DOCK1: variants seen among roughly 807,000 people sequenced by gnomAD.
DOCK1 encodes the protein dedicator of cytokinesis protein 1.
A neutral mutation model predicts 262.7 loss-of-function variants in DOCK1; 138 were observed. The ratio of observed to expected loss-of-function variants is 0.53; its 90% CI spans 0.46 to 0.61. The LOEUF is 0.61. Ranked by LOEUF, DOCK1 falls within the 20% of genes least tolerant of loss-of-function variation. DOCK1 has a pLI of 0.00. For missense variants in DOCK1, 1,908 were observed against 2,370.7 expected (o/e 0.80, Z 4.05); for synonymous variants, 866 against 867.4 (o/e 1.00, Z 0.03).
chr10:126,944,579 G>A (rs997270280), intron 1 of DOCK1, among the ~76,000 whole-genome samples: 41 of 152,224 alleles, frequency 2.7e-4, no homozygotes, highest in African/African-American at 9.4e-4. Flanking sequence ...CTGAGATGGA[G>A]GAGACCGGGG....
At chr10:126,991,208 A>T (rs1259782276) in intron 6 of DOCK1, among the ~76,000 whole-genome samples, 10 of 152,138 alleles carry the variant, frequency 6.6e-5, no homozygotes, top group Non-Finnish European at 1.5e-4. Context: ...TTTAGTGCTC[A>T]CCCCTGCCTA....
In DOCK1 at chr10:127,037,821, C is replaced by T; in HGVS notation, c.2010+5C>T. 1 of 1,520,184 alleles carries T rather than the reference C, an allele frequency of 6.6e-7. No homozygotes were observed. The highest frequency in any genetic ancestry group is 1.4e-5 in the African/African-American group (1 of 70,822). The allele number at this position is 1,520,184 out of a possible 1,614,324, so 94.2% of individuals were successfully genotyped here. On this transcript the variant is annotated splice_donor_5th_base_variant and intron_variant, in intron 19 of 51. Transcript: ENST00000623213. ...GATGGTGGTGAAGTAGTGAAGGTAACATGGAGCCCAAAGGGACTTTTTGGG... is the reference window on the plus strand; with the variant it reads ...GATGGTGGTGAAGTAGTGAAGGTAATATGGAGCCCAAAGGGACTTTTTGGG...
At chr10:127,099,114 G>A (rs773138148) in intron 23 of DOCK1, among the ~76,000 whole-genome samples, 1 of 152,182 alleles carries the variant, frequency 6.6e-6, no homozygotes, top group African/African-American at 2.4e-5. Context: ...ACTGGATGGG[G>A]AAGACAACTT....
intron 29 of DOCK1, among the ~76,000 whole-genome samples, chr10:127,275,993 G>C (rs937229990): frequency 6.6e-6 from 1 of 152,326 alleles, no homozygotes; most frequent in South Asian, 2.1e-4. Flanking sequence ...GCCTTATTAC[G>C]TAATGCCCTG....
At chr10:127,329,783 T>A (rs1202807679) in intron 29 of DOCK1, among the ~76,000 whole-genome samples, 2 of 152,070 alleles carry the variant, frequency 1.3e-5, no homozygotes, top group African/African-American at 4.8e-5. Context: ...GAGGCAGGAT[T>A]GGGAGGAGGT....
At chr10:127,221,408 T>C (rs891471545) in intron 27 of DOCK1, among the ~76,000 whole-genome samples, 11 of 152,192 alleles carry the variant, frequency 7.2e-5, no homozygotes, top group Non-Finnish European at 1.5e-4. Context: ...ACTCAAGATA[T>C]TGATCCTCAT....
intron 13 of DOCK1, among the ~76,000 whole-genome samples, chr10:127,019,890 A>T (rs988492451): frequency 6.6e-6 from 1 of 152,168 alleles, no homozygotes; most frequent in Non-Finnish European, 1.5e-5. Flanking sequence ...CCCATATTCA[A>T]CGCGGCCTCC....
chr10:127,178,029 C>T (rs777760017), intron 27 of DOCK1, among the ~76,000 whole-genome samples: 60 of 152,166 alleles, frequency 3.9e-4, no homozygotes, highest in Non-Finnish European at 7.3e-4. Context: ...GACCCCTCCC[C>T]ACATCCTTAG....
At chr10:127,289,653 T>A (rs561942266) in intron 29 of DOCK1, among the ~76,000 whole-genome samples, 19 of 152,196 alleles carry the variant, frequency 1.2e-4, no homozygotes, top group South Asian at 6.2e-4. Flanking sequence ...CTTTGAAAAT[T>A]TATCACATGA....
chr10:127,374,232 C>CA lies in DOCK1; in HGVS notation c.3675+19dup, dbSNP rs1158549692. 1.0e-5 allele frequency: 16 copies of CA among 1,596,496 alleles called. No homozygotes were observed. Among genetic ancestry groups the CA allele is most frequent in the African/African-American group, 2.7e-5 (2 of 74,038 alleles). On this transcript the variant is annotated intron_variant, in intron 35 of 51. Transcript: ENST00000623213. ...ATGTGCTGGTGAGTGAAAGCTTAAT[C>CA]ACGTTTTTTCAGTTTTCACAGCACA...
chr10:127,042,453 T>C (rs1319001047), intron 19 of DOCK1, among the ~76,000 whole-genome samples, 172 bp from the exon 20 acceptor site: 1 of 152,126 alleles, frequency 6.6e-6, no homozygotes, highest in Non-Finnish European at 1.5e-5. Context: ...AATTCGCTCA[T>C]CCAAAATTTT....
chr10:126,915,934 G>A (rs2032438931), intron 1 of DOCK1, among the ~76,000 whole-genome samples: 2 of 152,152 alleles, frequency 1.3e-5, no homozygotes, highest in South Asian at 4.1e-4. Flanking sequence ...TTTATAGAAT[G>A]GAATCTCTAT....
chr10:127,248,257 A>G, intron 28 of DOCK1, 148 bp downstream of exon 28: 1 of 749,222 alleles, frequency 1.3e-6, no homozygotes, highest in Non-Finnish European at 2.2e-6. Flanking sequence ...GGAAGGTCTG[A>G]CTGAAGCCTT....
At chr10:126,993,739 C>T (rs1050315609) in intron 6 of DOCK1, among the ~76,000 whole-genome samples, 2 of 152,166 alleles carry the variant, frequency 1.3e-5, no homozygotes, top group South Asian at 2.1e-4. Flanking sequence ...CCAGTTGGTC[C>T]TCCTGCTTCA....
chr10:127,349,690 G>A (rs565075609), intron 31 of DOCK1, among the ~76,000 whole-genome samples: 7 of 152,274 alleles, frequency 4.6e-5, no homozygotes, highest in Admixed American at 3.9e-4. Flanking sequence ...CCAAATCAAG[G>A]TGTGGGCAGT....
chr10:127,279,069 A>G (rs2060849123), intron 29 of DOCK1, among the ~76,000 whole-genome samples: 4 of 152,356 alleles, frequency 2.6e-5, no homozygotes, highest in Middle Eastern at 6.8e-3. Context: ...TTTATAGTTA[A>G]TTAATAATTT....
At chr10:126,911,693 C>T (rs912762112) in intron 1 of DOCK1, among the ~76,000 whole-genome samples, 1 of 152,112 alleles carries the variant, frequency 6.6e-6, no homozygotes, top group South Asian at 2.1e-4. Flanking sequence ...CTGGTTTCTG[C>T]GTTTTTAAGC....
intron 1 of DOCK1, 142 bp from the exon 2 acceptor site, chr10:126,970,560 T>C: frequency 1.6e-6 from 1 of 620,900 alleles, no homozygotes; most frequent in South Asian, 2.2e-5. Context: ...GTCACTTCTG[T>C]GGGTATCAGA....
intron 25 of DOCK1, among the ~76,000 whole-genome samples, chr10:127,120,380 A>G (rs921781906): frequency 2.6e-5 from 4 of 152,268 alleles, no homozygotes; most frequent in Admixed American, 2.0e-4. Flanking sequence ...TGAGCCGTGT[A>G]TGTAATTAAA....
Sources: gnomAD v4.1 joint callset for allele counts (sites outside exome capture counted in the v4.1 genomes callset) on GRCh38, gnomAD v4.1.1 for gene constraint, MANE v1.5 for transcripts, NCBI Gene and HGNC (gene_info 2026-07-23, HGNC 2026-07-21) for gene names.